Variants in TBL1X observed in about 807,000 individuals in gnomAD.
The protein encoded by TBL1X is transducin beta like 1 X-linked.
Under a neutral mutation model 50.7 loss-of-function variants are expected in TBL1X, and 10 were observed. The observed-to-expected ratio is 0.20, with a 90% CI of 0.12 to 0.33. The LOEUF (loss-of-function observed/expected upper bound fraction) is 0.33, where lower values mean the gene tolerates loss of function less well. TBL1X is among the 10% of genes least tolerant of loss of function. The pLI is 1.00. For missense variants in TBL1X, 340 were observed against 504.4 expected (o/e 0.67, Z 3.12); for synonymous variants, 190 against 214.7 (o/e 0.88, Z 1.01).
Position 9,492,774 on chromosome X carries a change from C to T in TBL1X, c.-200-9006C>T, listed in dbSNP as rs376368548. Among the ~76,000 whole-genome samples, 56 of 107,928 alleles carry T rather than the reference C, an allele frequency of 5.2e-4. No individual in the cohort carries two copies. In the South Asian group the frequency reaches 0.021, roughly 40 times the overall value. 93.7% of individuals were successfully genotyped at this position (107,928 alleles called of 115,157 possible). ...ACGTTTTGTTGATTGATTCATGGCA[C>T]GGTGATACAGGGTGCATGGTATCAG... On this transcript the variant is annotated intron_variant, in intron 1 of 17. Coordinates refer to ENST00000645353, the MANE Select transcript of TBL1X (RefSeq NM_005647.4).
chrX:9,688,885 C>T (rs988153407), intron 7 of TBL1X, among the ~76,000 whole-genome samples: 6 of 113,633 alleles, frequency 5.3e-5, no homozygotes, highest in African/African-American at 1.9e-4. Flanking sequence ...GTGCATGGCG[C>T]ACCGTGTGCG....
At chrX:9,646,932 A>T (rs1349963874) in intron 3 of TBL1X, among the ~76,000 whole-genome samples, 1 of 112,094 alleles carries the variant, frequency 8.9e-6, no homozygotes, top group East Asian at 2.8e-4. Flanking sequence ...TCTTGGCAAG[A>T]AACGAACTTG....
chrX:9,533,655 A>G (rs1889146268), intron 2 of TBL1X, among the ~76,000 whole-genome samples: 1 of 111,097 alleles, frequency 9.0e-6, no homozygotes, highest in Non-Finnish European at 1.9e-5. Flanking sequence ...GCAGACCCCA[A>G]GTAAAGAAAG....
At chrX:9,558,170 G>A (rs966869815) in intron 2 of TBL1X, among the ~76,000 whole-genome samples, 1 of 112,493 alleles carries the variant, frequency 8.9e-6, no homozygotes, top group African/African-American at 3.2e-5. Context: ...TACATAATAA[G>A]AATGCAGCAT....
intron 1 of TBL1X, among the ~76,000 whole-genome samples, chrX:9,484,512 A>G (rs1477732695): frequency 9.0e-6 from 1 of 110,743 alleles, no homozygotes; most frequent in Non-Finnish European, 1.9e-5. Flanking sequence ...ATCATATGGT[A>G]TGTACTCATT....
At chrX:9,707,685 G>T (rs761080692) in intron 13 of TBL1X, among the ~76,000 whole-genome samples, 40 of 112,695 alleles carry the variant, frequency 3.5e-4, no homozygotes, top group Non-Finnish European at 6.4e-4. Flanking sequence ...GTTTTCCTCT[G>T]AACAGCTGCA....
intron 2 of TBL1X, among the ~76,000 whole-genome samples, chrX:9,504,357 A>G (rs1282232883): frequency 3.6e-5 from 4 of 112,156 alleles, no homozygotes; most frequent in Non-Finnish European, 5.6e-5. Context: ...AGAATGAAAA[A>G]ATGCTGAAAA....
intron 1 of TBL1X, among the ~76,000 whole-genome samples, chrX:9,494,666 C>T (rs1158258760): frequency 8.9e-6 from 1 of 111,880 alleles, no homozygotes. Context: ...CTTAAGTAGG[C>T]TTTGATCTCT....
intron 2 of TBL1X, among the ~76,000 whole-genome samples, chrX:9,540,005 G>C (rs2082207199): frequency 8.9e-6 from 1 of 112,728 alleles, no homozygotes; most frequent in African/African-American, 3.2e-5. Flanking sequence ...AACAGGTGCA[G>C]AATAACCTGT....
At chrX:9,651,932 C>T (rs1461803773) in intron 3 of TBL1X, among the ~76,000 whole-genome samples, 1 of 112,437 alleles carries the variant, frequency 8.9e-6, no homozygotes, top group Non-Finnish European at 1.9e-5. Flanking sequence ...AACAGACGAC[C>T]ACACGTTTAG....
chrX:9,471,845 T>G (rs2081817104), intron 1 of TBL1X, among the ~76,000 whole-genome samples: 1 of 111,094 alleles, frequency 9.0e-6, no homozygotes, highest in African/African-American at 3.3e-5. Flanking sequence ...ACATGAGAGT[T>G]TTTTCTGCCT....
At chrX:9,648,360 CAA>C (rs1326825366) in intron 3 of TBL1X, among the ~76,000 whole-genome samples, 1 of 112,495 alleles carries the variant, frequency 8.9e-6, no homozygotes, top group Non-Finnish European at 1.9e-5. Context: ...GCACAGAAGA[CAA>C]AGGCGGACTT....
chrX:9,634,981 C>T (rs771631402), intron 2 of TBL1X, among the ~76,000 whole-genome samples: 49 of 111,363 alleles, frequency 4.4e-4, no homozygotes, highest in African/African-American at 1.6e-3. Flanking sequence ...GTGCTGGCCT[C>T]GGTTAGCTGA....
At chrX:9,498,499 G>T (rs756605537) in intron 1 of TBL1X, among the ~76,000 whole-genome samples, 83 of 112,825 alleles carry the variant, frequency 7.4e-4, no homozygotes, top group Non-Finnish European at 1.3e-3. Context: ...TGATGGATGT[G>T]CAGCGTGCAG....
intron 2 of TBL1X, among the ~76,000 whole-genome samples, chrX:9,555,099 AGGGTCTT>A (rs988078684): frequency 9.0e-6 from 1 of 111,722 alleles, no homozygotes; most frequent in Non-Finnish European, 1.9e-5. Flanking sequence ...TTTTAGAAAC[AGGGTCTT>A]GCTCTGTTGC....
chrX:9,482,106 T>C (rs1192213244), intron 1 of TBL1X, among the ~76,000 whole-genome samples: 2 of 102,169 alleles, frequency 2.0e-5, no homozygotes, highest in Non-Finnish European at 4.0e-5. Context: ...TCATTTGGAC[T>C]GAATCGTGAA....
chrX:9,536,840 T>A (rs1379394574), intron 2 of TBL1X, among the ~76,000 whole-genome samples: 1 of 111,674 alleles, frequency 9.0e-6, no homozygotes, highest in East Asian at 2.8e-4. Context: ...CTAATTTGAC[T>A]TTTATCATAG....
At chrX:9,466,324 C>T (rs1268314461) in intron 1 of TBL1X, among the ~76,000 whole-genome samples, 1 of 112,230 alleles carries the variant, frequency 8.9e-6, no homozygotes, top group Non-Finnish European at 1.9e-5. Flanking sequence ...CTGTGGGTCG[C>T]TGGAGGCCCG....
At chrX:9,649,901 G>T (rs1046565375) in intron 3 of TBL1X, among the ~76,000 whole-genome samples, 1 of 111,841 alleles carries the variant, frequency 8.9e-6, no homozygotes, top group African/African-American at 3.3e-5. Context: ...CAAACCTCTT[G>T]CCTTAGCCTC....
Sources: allele counts gnomAD v4.1 joint callset (sites outside exome capture counted in the v4.1 genomes callset), GRCh38; gene constraint gnomAD v4.1.1; transcripts MANE v1.5; gene names NCBI Gene and HGNC (gene_info 2026-07-23, HGNC 2026-07-21).